The following PKHD1 variants were observed in gnomAD, a reference collection of about 807,000 sequenced individuals.
PKHD1 encodes fibrocystin.
Under a neutral mutation model 412.0 loss-of-function variants are expected in PKHD1, and 291 were observed. That is an observed-to-expected ratio of 0.71 (90% CI 0.64 to 0.78). The LOEUF is 0.78. PKHD1 is among the 30% of genes least tolerant of loss of function. The pLI is 0.00. For missense variants in PKHD1, 4,825 were observed against 4,950.7 expected (o/e 0.97, Z 0.76); for synonymous variants, 1,777 against 1,821.5 (o/e 0.98, Z 0.62).
In PKHD1 at chr6:52,054,149, T is replaced by C. The variant is rs746750596; in HGVS notation, c.1853A>G (p.Lys618Arg). Residue 618 changes from lysine to arginine, a missense_variant, in exon 20 of 67, where the codon AAA becomes AGA. Physicochemically the swap from Lys to Arg is conservative, Grantham distance 26. Coordinates refer to ENST00000371117, the MANE Select transcript of PKHD1 (RefSeq NM_138694.4). ...CTTCAGGATCTTGTTCATGTGGCCT[T>C]TGTATGCAAGACACAGCTATGGACA... is the stretch of plus-strand genomic sequence containing the variant. Reference protein sequence around the residue: ...DQYTHLCLAYKGHMNKILKMI... With the variant: ...DQYTHLCLAYRGHMNKILKMI... 1.2e-6 allele frequency: 2 copies of C among 1,613,928 alleles called. No homozygotes were observed. Among genetic ancestry groups the C allele is most frequent in the East Asian group, 2.2e-5 (1 of 44,892 alleles).
intron 37 of PKHD1, among the ~76,000 whole-genome samples, chr6:51,925,611 T>C (rs1018399584): frequency 1.3e-5 from 2 of 152,184 alleles, no homozygotes; most frequent in Non-Finnish European, 2.9e-5. Context: ...ATGAAGTAAC[T>C]TGAACTGAGA....
intron 60 of PKHD1, chr6:51,740,045 A>G (rs1173604563): frequency 1.9e-6 from 1 of 518,688 alleles, no homozygotes; most frequent in African/African-American, 1.9e-5. Flanking sequence ...TGTTCAGATC[A>G]TCAGATGCCT....
At chr6:51,685,275 C>T (rs1777263308) in intron 60 of PKHD1, among the ~76,000 whole-genome samples, 1 of 152,026 alleles carries the variant, frequency 6.6e-6, no homozygotes, top group Non-Finnish European at 1.5e-5. Context: ...TTATTCTTAT[C>T]TTAGGGCATA....
chr6:51,635,906 A>C (rs546203204), intron 64 of PKHD1, among the ~76,000 whole-genome samples: 29 of 148,958 alleles, frequency 1.9e-4, no homozygotes, highest in South Asian at 4.2e-4. Context: ...ATACCTGGTT[A>C]CATTAATCTC....
At chr6:51,811,219 C>A (rs9688349) in intron 52 of PKHD1, among the ~76,000 whole-genome samples, 1 of 152,106 alleles carries the variant, frequency 6.6e-6, no homozygotes, top group African/African-American at 2.4e-5. Flanking sequence ...CCCGGATGAT[C>A]TCAGCTATAG....
chr6:51,664,076 A>G (rs1773309305), intron 60 of PKHD1, among the ~76,000 whole-genome samples: 1 of 152,198 alleles, frequency 6.6e-6, no homozygotes, highest in Admixed American at 6.5e-5. Context: ...AAATGTAATT[A>G]ACATTTTTTT....
chr6:51,785,378 C>T (rs1026420762), intron 53 of PKHD1, among the ~76,000 whole-genome samples: 1 of 152,096 alleles, frequency 6.6e-6, no homozygotes, highest in African/African-American at 2.4e-5. Context: ...TCAATGACAC[C>T]TCAGGCTATA....
intron 60 of PKHD1, among the ~76,000 whole-genome samples, chr6:51,734,771 C>G (rs1255999): frequency 6.6e-6 from 1 of 152,072 alleles, no homozygotes; most frequent in Non-Finnish European, 1.5e-5. Flanking sequence ...ATTTTGCCAC[C>G]TGACGAGTAC....
Position 51,746,762 on chromosome 6 carries a change from T to C in PKHD1, c.9957A>G (p.Ile3319Met), listed in dbSNP as rs762304990. The C allele has an allele frequency of 2.3e-5, 37 of 1,611,134 alleles. No individual in the cohort carries two copies. The highest frequency in any genetic ancestry group is 3.0e-5 in the Non-Finnish European group (35 of 1,177,534). The change falls in exon 59 of 67, where the codon ATA becomes ATG. Residue 3319 changes from isoleucine to methionine, a missense_variant. Coordinates refer to ENST00000371117, the MANE Select transcript of PKHD1 (RefSeq NM_138694.4). ...ITAERTRMLK[I>M]KDKNKFYFPS... ...GAAAGTAGAACTTGTTTTTATCTTT[T>C]ATCTTTAGCATCCTGGTCCTCTCTG...
At chr6:51,973,705 A>G (rs1793984088) in intron 35 of PKHD1, among the ~76,000 whole-genome samples, 1 of 152,232 alleles carries the variant, frequency 6.6e-6, no homozygotes, top group South Asian at 2.1e-4. Flanking sequence ...ATTTTCCAGA[A>G]TTCTCCCAAC....
intron 36 of PKHD1, 132 bp downstream of exon 36, chr6:51,959,738 A>C (rs1791708004): frequency 7.2e-6 from 6 of 828,712 alleles, no homozygotes; most frequent in Admixed American, 3.7e-5. Flanking sequence ...TACATAGTAA[A>C]ATTTCAGTTT....
chr6:51,731,096 G>A (rs1783184395), intron 60 of PKHD1, among the ~76,000 whole-genome samples: 1 of 152,016 alleles, frequency 6.6e-6, no homozygotes, highest in Non-Finnish European at 1.5e-5. Context: ...AATACTTTTT[G>A]TTAAATTTTT....
chr6:51,985,590 A>G lies in PKHD1; in HGVS notation c.5751+24719T>C, dbSNP rs368303194. ...CTAAAAATGCAAAAATTAGCCAGGC[A>G]TGGTGGCAGATGCCTGTAATCCCAG... On this transcript the variant is annotated intron_variant, in intron 35 of 66. Coordinates refer to ENST00000371117, the MANE Select transcript of PKHD1 (RefSeq NM_138694.4). Among the ~76,000 whole-genome samples, 5 of 152,240 alleles carry G rather than the reference A, an allele frequency of 3.3e-5. No individual in the cohort carries two copies. The South Asian group carries it at 6.2e-4, about 19-fold the overall frequency.
intron 8 of PKHD1, 117 bp downstream of exon 8, chr6:52,071,998 A>T: frequency 1.4e-6 from 1 of 736,270 alleles, no homozygotes; most frequent in Non-Finnish European, 2.5e-6. Flanking sequence ...TGTGATTTAT[A>T]TTTTAAAAAA....
chr6:51,658,856 T>C, intron 61 of PKHD1, 96 bp downstream of exon 61: 4 of 817,956 alleles, frequency 4.9e-6, no homozygotes, highest in South Asian at 4.1e-5. Context: ...AGATGAGTTA[T>C]ATGATTCAGT....
chr6:51,982,237 C>G (rs1407027887), intron 35 of PKHD1, among the ~76,000 whole-genome samples: 1 of 30,428 alleles, frequency 3.3e-5, no homozygotes, highest in African/African-American at 8.1e-5. Flanking sequence ...AGGTGAGGGG[C>G]GCTTCTGCCC....
At chr6:51,881,703 T>C (rs1368088749) in intron 46 of PKHD1, among the ~76,000 whole-genome samples, 1 of 152,192 alleles carries the variant, frequency 6.6e-6, no homozygotes, top group African/African-American at 2.4e-5. Flanking sequence ...AAACTGCCAT[T>C]CAAGTTTCCA....
intron 52 of PKHD1, among the ~76,000 whole-genome samples, chr6:51,807,210 T>C (rs1482318067): frequency 1.4e-5 from 2 of 145,998 alleles, no homozygotes; most frequent in Admixed American, 1.4e-4. Context: ...GGTTGATCAC[T>C]GAGGTCAGGA....
chr6:51,816,573 C>A (rs1234237902), intron 52 of PKHD1, among the ~76,000 whole-genome samples: 1 of 152,224 alleles, frequency 6.6e-6, no homozygotes, highest in Non-Finnish European at 1.5e-5. Context: ...AAAGGCTTCT[C>A]TGCATATAGT....
Sources: gnomAD v4.1 joint callset for allele counts (sites outside exome capture counted in the v4.1 genomes callset) on GRCh38, gnomAD v4.1.1 for gene constraint, MANE v1.5 for transcripts, NCBI Gene and HGNC (gene_info 2026-07-23, HGNC 2026-07-21) for gene names.